The following RBMS3 variants were observed in gnomAD, a reference collection of about 807,000 sequenced individuals.
The protein encoded by RBMS3 is RNA-binding motif, single-stranded-interacting protein 3.
In RBMS3, 27 loss-of-function variants were observed where a neutral mutation model predicts 66.8. The ratio of observed to expected loss-of-function variants is 0.40; its 90% CI spans 0.30 to 0.56. RBMS3 has a LOEUF of 0.56. Ranked by LOEUF, RBMS3 falls within the 20% of genes least tolerant of loss-of-function variation. The probability of loss-of-function intolerance (pLI) is 0.40; values close to 1 mark genes in which losing one functional copy is unlikely to be tolerated. For missense variants in RBMS3, 513 were observed against 549.5 expected, an observed-to-expected ratio of 0.93 and a Z score of 0.66; for synonymous variants, 188 against 183.0, an observed-to-expected ratio of 1.03 and a Z score of -0.22.
intron 3 of RBMS3, among the ~76,000 whole-genome samples, chr3:29,552,191 G>C (rs2046201479): frequency 6.6e-6 from 1 of 152,054 alleles, no homozygotes; most frequent in Admixed American, 6.6e-5. Flanking sequence ...AAGTTCGTTG[G>C]CAAATCTCCT....
At chr3:29,355,190 T>C (rs186624659) in intron 1 of RBMS3, among the ~76,000 whole-genome samples, 2 of 152,242 alleles carry the variant, frequency 1.3e-5, no homozygotes, top group African/African-American at 4.8e-5. Context: ...ATCTTGCCTG[T>C]CTTTCTATCT....
At chr3:29,508,450 T>C (rs1279436020) in intron 3 of RBMS3, among the ~76,000 whole-genome samples, 1 of 152,174 alleles carries the variant, frequency 6.6e-6, no homozygotes, top group South Asian at 2.1e-4. Flanking sequence ...GGACATGCAG[T>C]GTTTGGTTTT....
intron 1 of RBMS3, among the ~76,000 whole-genome samples, chr3:29,409,807 T>C (rs1243217113): frequency 1.3e-5 from 2 of 152,236 alleles, no homozygotes; most frequent in Non-Finnish European, 2.9e-5. Flanking sequence ...AGATAATTTA[T>C]GTGGTCAAGG....
At chr3:29,297,503 C>T (rs900193144) in intron 1 of RBMS3, among the ~76,000 whole-genome samples, 2 of 151,882 alleles carry the variant, frequency 1.3e-5, no homozygotes, top group African/African-American at 2.4e-5. Context: ...TGCTTCTCCA[C>T]ATCCATCTCT....
At chr3:29,609,154 A>G (rs1448427182) in intron 4 of RBMS3, among the ~76,000 whole-genome samples, 3 of 152,108 alleles carry the variant, frequency 2.0e-5, no homozygotes, top group East Asian at 3.9e-4. Context: ...CTCATCTATC[A>G]AATGAATATA....
At chr3:29,869,569 G>A (rs1016109571) in intron 7 of RBMS3, among the ~76,000 whole-genome samples, 24 of 152,086 alleles carry the variant, frequency 1.6e-4, no homozygotes, top group African/African-American at 5.6e-4. Flanking sequence ...ACAAGGAGAA[G>A]GAAAAGCACT....
Position 29,490,042 on chromosome 3 carries a change from CAAAAAAAA to C in RBMS3, c.307+1559_307+1566del, listed in dbSNP as rs1245001930. Among the ~76,000 whole-genome samples the C allele has an allele frequency of 4.8e-4, 24 of 50,002 alleles. No individual in the cohort carries two copies. The East Asian group carries it at 0.012, about 26-fold the overall frequency. The allele number at this position is 50,002 out of a possible 152,430, so 32.8% of individuals were successfully genotyped here. On this transcript the variant is annotated intron_variant, in intron 3 of 14. Transcript: ENST00000383767. ...TGGGCTACAGGGCAAGACTCCCTCT[CAAAAAAAA>C]AAAAAAAAAAAAAAAGTACCAGTGA... is the stretch of plus-strand genomic sequence containing the variant.
At chr3:29,568,445 G>A (rs1052166808) in intron 3 of RBMS3, among the ~76,000 whole-genome samples, 7 of 152,250 alleles carry the variant, frequency 4.6e-5, no homozygotes, top group African/African-American at 1.2e-4. Flanking sequence ...TAAAACAAAC[G>A]AATTAAATTA....
At chr3:29,747,378 GTAGGTAGGTAGGTAGATAGATAGA>G (rs2054953399) in intron 5 of RBMS3, among the ~76,000 whole-genome samples, 1 of 130,630 alleles carries the variant, frequency 7.7e-6, no homozygotes, top group Non-Finnish European at 1.6e-5. Flanking sequence ...ATCTATCTAG[GTAGGTAGGTAGGTAGATAGATAGA>G]TAGATAGATA....
intron 3 of RBMS3, among the ~76,000 whole-genome samples, chr3:29,583,448 A>G (rs2168766): frequency 0.059 from 9,031 of 152,224 alleles, 569 homozygotes; most frequent in East Asian, 0.32. Flanking sequence ...CCCCATCATA[A>G]TTCCATGAAG....
chr3:29,323,388 G>T (rs2035123922), intron 1 of RBMS3, among the ~76,000 whole-genome samples: 1 of 152,008 alleles, frequency 6.6e-6, no homozygotes. Context: ...CGTAAACTAG[G>T]TCGTATTATT....
chr3:29,464,162 AG>A, intron 2 of RBMS3, among the ~76,000 whole-genome samples: 1 of 152,276 alleles, frequency 6.6e-6, no homozygotes, highest in African/African-American at 2.4e-5. Flanking sequence ...CCAGGGCTCT[AG>A]GGGTTTCTAA....
intron 1 of RBMS3, among the ~76,000 whole-genome samples, chr3:29,371,963 A>G (rs1191283435): frequency 6.6e-6 from 1 of 152,176 alleles, no homozygotes; most frequent in Non-Finnish European, 1.5e-5. Flanking sequence ...TTTTTAAGTA[A>G]CAAGCATGTA....
chr3:29,386,180 A>C (rs2039000775), intron 1 of RBMS3, among the ~76,000 whole-genome samples: 1 of 151,714 alleles, frequency 6.6e-6, no homozygotes, highest in Admixed American at 6.6e-5. Flanking sequence ...GCTGGAGAAA[A>C]ACACTCTATC....
chr3:29,738,136 G>T (rs747474906), intron 4 of RBMS3, among the ~76,000 whole-genome samples: 1 of 151,972 alleles, frequency 6.6e-6, no homozygotes, highest in Non-Finnish European at 1.5e-5. Flanking sequence ...CAGAAATTTA[G>T]TTGCATACAA....
intron 3 of RBMS3, among the ~76,000 whole-genome samples, chr3:29,496,338 T>C (rs1193794362): frequency 6.6e-6 from 1 of 152,216 alleles, no homozygotes; most frequent in Non-Finnish European, 1.5e-5. Flanking sequence ...GTATTAAGTT[T>C]ACCACCAGTC....
chr3:29,359,031 C>A (rs867397210), intron 1 of RBMS3, among the ~76,000 whole-genome samples: 16 of 152,214 alleles, frequency 1.1e-4, no homozygotes, highest in Middle Eastern at 3.4e-3. Flanking sequence ...AATTGAATGC[C>A]CTTTCTTTCT....
At position 29,281,137 on chromosome 3, in the gene RBMS3, C is replaced by CT. The variant is rs1559455377; in HGVS notation, c.-538dup. The CT allele has an allele frequency of 2.7e-5, 3 of 111,038 alleles. No homozygotes were observed. The highest frequency in any genetic ancestry group is 9.1e-5 in the Admixed American group (1 of 11,004). 6.9% of individuals were successfully genotyped at this position (111,038 alleles called of 1,614,324 possible). ...AGGTTTTTTTTTTTTTTTTTTCTTC[C>CT]TTTTTTTCTTTTTTTTTTTCTTTTT... On this transcript the variant is annotated 5_prime_UTR_variant, in exon 1 of 15. Transcript: ENST00000383767.
intron 10 of RBMS3, among the ~76,000 whole-genome samples, chr3:29,920,380 A>G (rs2060739970): frequency 6.6e-6 from 1 of 152,198 alleles, no homozygotes; most frequent in African/African-American, 2.4e-5. Flanking sequence ...TCACAATGTA[A>G]AGGTTTAAAA....
Sources: gnomAD v4.1 joint callset for allele counts (sites outside exome capture counted in the v4.1 genomes callset) on GRCh38, gnomAD v4.1.1 for gene constraint, MANE v1.5 for transcripts, NCBI Gene and HGNC (gene_info 2026-07-23, HGNC 2026-07-21) for gene names.